Variants in APBA2 observed in about 807,000 individuals in gnomAD.
APBA2 encodes the protein amyloid-beta A4 precursor protein-binding family A member 2.
APBA2 carries 30 observed loss-of-function variants against 75.0 expected under a neutral mutation model. The observed-to-expected ratio is 0.40, with a 90% confidence interval of 0.30 to 0.54. APBA2 has a LOEUF of 0.54. Ranked by LOEUF, APBA2 falls within the 20% of genes least tolerant of loss-of-function variation. The pLI is 0.49. For missense variants in APBA2, 801 were observed against 1,016.1 expected, an observed-to-expected ratio of 0.79 and a Z score of 2.88; for synonymous variants, 444 against 409.6, an observed-to-expected ratio of 1.08 and a Z score of -1.01.
intron 4 of APBA2, among the ~76,000 whole-genome samples, chr15:29,059,779 A>G (rs181201291): frequency 1.7e-3 from 254 of 152,318 alleles, no homozygotes; most frequent in African/African-American, 5.7e-3. Context: ...TTTACAGAAC[A>G]TAACTATGTG....
intron 3 of APBA2, among the ~76,000 whole-genome samples, chr15:29,011,195 T>A (rs755855765): frequency 1.2e-4 from 19 of 152,230 alleles, no homozygotes; most frequent in Non-Finnish European, 1.0e-4. Flanking sequence ...CTGAATAATA[T>A]TATGTGGTAT....
chr15:29,094,386 G>A, intron 8 of APBA2, 73 bp downstream of exon 8: 2 of 1,459,302 alleles, frequency 1.4e-6, no homozygotes, highest in Non-Finnish European at 1.9e-6. Flanking sequence ...GGCAGTGGGG[G>A]CTGGGGGGTT....
At chr15:28,901,908 A>ATGTGTGTGTGTGTGTG (rs766260051) in intron 1 of APBA2, among the ~76,000 whole-genome samples, 11,142 of 67,272 alleles carry the variant, frequency 0.17, 2,343 homozygotes, top group South Asian at 0.27. Flanking sequence ...GGAGCTTTTG[A>ATGTGTGTGTGTGTGTG]TGTGTGTGTG....
intron 3 of APBA2, among the ~76,000 whole-genome samples, chr15:29,020,044 T>C (rs758709583): frequency 1.5e-4 from 23 of 152,386 alleles, no homozygotes; most frequent in Middle Eastern, 3.4e-3. Flanking sequence ...TATATTTGCC[T>C]GTGTTTACTG....
intron 5 of APBA2, 50 bp downstream of exon 5, chr15:29,075,051 A>G: frequency 7.6e-7 from 1 of 1,307,698 alleles, no homozygotes; most frequent in Non-Finnish European, 1.1e-6. Context: ...TCATCTAATG[A>G]TGGAGTGGCC....
intron 3 of APBA2, among the ~76,000 whole-genome samples, chr15:29,007,677 C>T (rs2039191428): frequency 6.6e-6 from 1 of 151,954 alleles, no homozygotes; most frequent in Non-Finnish European, 1.5e-5. Flanking sequence ...CACAAGATAC[C>T]ACCTCATATC....
intron 2 of APBA2, among the ~76,000 whole-genome samples, chr15:28,963,465 G>A (rs2036580006): frequency 6.6e-6 from 1 of 152,194 alleles, no homozygotes; most frequent in African/African-American, 2.4e-5. Context: ...GAGGACTGAT[G>A]AGAACCTTCC....
chr15:29,086,775 G>A (rs975904219), intron 6 of APBA2, among the ~76,000 whole-genome samples: 11 of 152,074 alleles, frequency 7.2e-5, no homozygotes, highest in African/African-American at 2.7e-4. Context: ...TAGATTCATT[G>A]GTTTCATTTT....
At chr15:29,009,916 T>C (rs2152813242) in intron 3 of APBA2, among the ~76,000 whole-genome samples, 1 of 152,312 alleles carries the variant, frequency 6.6e-6, no homozygotes, top group Admixed American at 6.5e-5. Context: ...TGAGGGTACA[T>C]CCAGGATTGG....
At position 29,046,575 on chromosome 15, in the gene APBA2, G is replaced by C. The variant is rs2041344002; in HGVS notation, c.-40-7270G>C. Among the ~76,000 whole-genome samples, 1 of 152,206 alleles carries C rather than the reference G, an allele frequency of 6.6e-6. No homozygotes were observed. The highest frequency in any genetic ancestry group is 1.5e-5 in the Non-Finnish European group (1 of 68,038). ...TCAGAGACCTGCAAGCATCTACTTA[G>C]GGCAGAGTTTTCAAGTGCAGTCTTT... On this transcript the variant is annotated intron_variant, in intron 3 of 14. Transcript: ENST00000683413. This position sits in a 1 kb window ranked among gnomAD's most constrained non-coding sequence, Gnocchi z 5.0.
intron 3 of APBA2, among the ~76,000 whole-genome samples, chr15:29,035,459 A>G (rs868107891): frequency 1.7e-4 from 26 of 152,024 alleles, no homozygotes; most frequent in Middle Eastern, 6.8e-3. Flanking sequence ...GTGACAGTGG[A>G]TGTGGCCTGG....
chr15:29,095,753 G>A (rs1024721980), intron 8 of APBA2, among the ~76,000 whole-genome samples: 4 of 152,236 alleles, frequency 2.6e-5, no homozygotes, highest in East Asian at 3.8e-4. Flanking sequence ...GCCCAGCAGC[G>A]TCTCCTTTGA....
At chr15:28,998,714 A>G (rs886356542) in intron 3 of APBA2, among the ~76,000 whole-genome samples, 2 of 152,240 alleles carry the variant, frequency 1.3e-5, no homozygotes, top group African/African-American at 4.8e-5. Context: ...TCATATGTAT[A>G]GGAAGCCAGG....
chr15:29,106,868 A>G (rs191693375), intron 12 of APBA2, 49 bp downstream of exon 12: 4 of 1,549,912 alleles, frequency 2.6e-6, no homozygotes, highest in Non-Finnish European at 3.6e-6. Flanking sequence ...ACCCTGCCTC[A>G]CTTCATCCCC....
intron 2 of APBA2, among the ~76,000 whole-genome samples, chr15:28,962,669 T>C (rs1412170030): frequency 6.7e-6 from 1 of 149,414 alleles, no homozygotes; most frequent in African/African-American, 2.5e-5. Context: ...CACCTCTGCC[T>C]CCCAAAATGC....
chr15:29,021,344 A>G (rs879255783), intron 3 of APBA2, among the ~76,000 whole-genome samples: 10 of 152,296 alleles, frequency 6.6e-5, no homozygotes, highest in Non-Finnish European at 2.9e-5. Flanking sequence ...CCTGGCCAAC[A>G]TGGTGAAACC....
intron 4 of APBA2, among the ~76,000 whole-genome samples, chr15:29,056,568 TCCTC>T (rs2041895594): frequency 7.6e-5 from 2 of 26,392 alleles, no homozygotes; most frequent in African/African-American, 1.4e-4. Context: ...TTTCCTCCCT[TCCTC>T]CCTTCCTCCC....
At chr15:29,097,530 A>T (rs778687717) in intron 8 of APBA2, among the ~76,000 whole-genome samples, 9 of 152,214 alleles carry the variant, frequency 5.9e-5, no homozygotes, top group Admixed American at 2.0e-4. Flanking sequence ...CCTTCGAGTT[A>T]TTACTTTTTA....
intron 3 of APBA2, among the ~76,000 whole-genome samples, chr15:29,001,278 A>G (rs1372879157): frequency 2.0e-5 from 3 of 152,036 alleles, no homozygotes; most frequent in African/African-American, 7.2e-5. Flanking sequence ...CAGTGGCATG[A>G]TCATAACTCA....
Sources: gnomAD v4.1 joint callset for allele counts (sites outside exome capture counted in the v4.1 genomes callset) on GRCh38, gnomAD v4.1.1 for gene constraint, Gnocchi (gnomAD v3.1) non-coding constraint, MANE v1.5 for transcripts, NCBI Gene and HGNC (gene_info 2026-07-23, HGNC 2026-07-21) for gene names.